The following EDEM1 variants were observed in gnomAD, a reference collection of about 807,000 sequenced individuals.
EDEM1 encodes the protein ER degradation enhancing alpha-mannosidase like protein 1.
In EDEM1, 67 loss-of-function variants were observed where a neutral mutation model predicts 74.4. The ratio of observed to expected loss-of-function variants is 0.90; its 90% CI spans 0.74 to 1.10. The LOEUF (loss-of-function observed/expected upper bound fraction) is 1.10, where lower values mean the gene tolerates loss of function less well. Ranked by LOEUF, EDEM1 falls within the 50% of genes least tolerant of loss-of-function variation. The pLI, the probability that EDEM1 is intolerant of heterozygous loss-of-function variation, is 0.00. For synonymous variants in EDEM1, 382 were observed against 335.9 expected (o/e 1.14, Z -1.50); for missense variants, 926 against 851.6 (o/e 1.09, Z -1.09).
rs757985911 is a variant in EDEM1 at position 5,187,847 on chromosome 3, G to C, written c.42G>C (p.Arg14=). ...RALVLGLVLL[R]LGLHGVLWLV... is the part of the protein sequence containing the mutation. ...TCGTCCTGGGGCTGGTGCTCCTCCG[G>C]CTTGGCCTCCATGGAGTATTGTGGC... The change falls in exon 1 of 12, where the codon CGG becomes CGC. Residue 14 remains arginine (R), a synonymous_variant. Transcript: ENST00000256497. 6.3e-7 allele frequency: 1 copy of C among 1,591,988 alleles called. No homozygotes were observed. The highest frequency in any genetic ancestry group is 1.1e-5 in the South Asian group (1 of 88,678).
chr3:5,208,290 TC>T (rs745430123), intron 8 of EDEM1, 27 bp downstream of exon 8: 192 of 1,594,026 alleles, frequency 1.2e-4, no homozygotes, highest in Non-Finnish European at 1.6e-4. Flanking sequence ...TTTTTTTTTT[TC>T]CTTTCACTGC....
chr3:5,212,419 T>C (rs1445472615), intron 10 of EDEM1, among the ~76,000 whole-genome samples: 2 of 152,124 alleles, frequency 1.3e-5, no homozygotes, highest in Admixed American at 1.3e-4. Context: ...TAGCTACATA[T>C]TTCCATCCAG....
intron 5 of EDEM1, 126 bp downstream of exon 5, chr3:5,203,275 CTCTA>C: frequency 1.0e-6 from 1 of 992,980 alleles, no homozygotes; most frequent in Non-Finnish European, 1.4e-6. Flanking sequence ...ATTGTGTCAG[CTCTA>C]TCTAATTTCT....
At chr3:5,195,859 T>C (rs2054959992) in intron 2 of EDEM1, among the ~76,000 whole-genome samples, 2 of 152,366 alleles carry the variant, frequency 1.3e-5, no homozygotes, top group South Asian at 4.1e-4. Flanking sequence ...CTAGAGGCCT[T>C]TGAGCAGATA....
At position 5,187,820 on chromosome 3, in the gene EDEM1, G is replaced by A; in HGVS notation, c.15G>A (p.Ala5=). 1.3e-6 allele frequency: 2 copies of A among 1,582,046 alleles called. No individual in the cohort carries two copies. Among genetic ancestry groups the A allele is most frequent in the African/African-American group, 2.8e-5 (2 of 72,104 alleles). Residue 5 remains alanine, a synonymous_variant, in exon 1 of 12, where the codon GCG becomes GCA. Transcript: ENST00000256497. ...CCCGCGCGACCATGCAATGGCGAGC[G>A]CTCGTCCTGGGGCTGGTGCTCCTCC... MQWR[A]LVLGLVLLRL...
chr3:5,206,460 C>T (rs2055098417), intron 6 of EDEM1, among the ~76,000 whole-genome samples: 2 of 152,086 alleles, frequency 1.3e-5, no homozygotes, highest in Non-Finnish European at 2.9e-5. Flanking sequence ...CCCGCCTCGG[C>T]CTCCCAAAGT....
chr3:5,213,505 A>G lies in EDEM1; in HGVS notation c.1867A>G (p.Ile623Val), dbSNP rs911797329. 11 of 1,610,704 alleles carry G rather than the reference A, an allele frequency of 6.8e-6. No individual in the cohort carries two copies. The highest frequency in any genetic ancestry group is 1.1e-5 in the South Asian group (1 of 90,706). ...HRPKPHELKV[I>V]NSSSNCNRVP... ...GCCGAAACCTCATGAGTTAAAAGTCATCAACTCCAGCTCCAACGTGAGTTG... is the reference window on the plus strand; with the variant it reads ...GCCGAAACCTCATGAGTTAAAAGTCGTCAACTCCAGCTCCAACGTGAGTTG... Residue 623 changes from isoleucine (I) to valine (V), a missense_variant, in exon 11 of 12, where the codon ATC becomes GTC. Coordinates refer to ENST00000256497, the MANE Select transcript of EDEM1 (RefSeq NM_014674.3).
Position 5,213,523 on chromosome 3 carries a change from G to A in EDEM1, c.1884+1G>A, listed in dbSNP as rs373781420. 17 of 1,602,246 alleles carry A rather than the reference G, an allele frequency of 1.1e-5. No homozygotes were observed. In the Middle Eastern group the frequency reaches 6.7e-4, roughly 63 times the overall value. On this transcript the variant is annotated splice_donor_variant, in intron 11 of 11. Transcript: ENST00000256497. LOFTEE classifies it high-confidence loss of function. ...AAAAGTCATCAACTCCAGCTCCAACGTGAGTTGCTTTTTCCAGGGGTGATT... is the reference window on the plus strand; with the variant it reads ...AAAAGTCATCAACTCCAGCTCCAACATGAGTTGCTTTTTCCAGGGGTGATT...
At position 5,199,005 on chromosome 3, in the gene EDEM1, A is replaced by G. The variant is rs533827184; in HGVS notation, c.583-587A>G. Among the ~76,000 whole-genome samples the G allele has an allele frequency of 2.0e-5, 3 of 152,328 alleles. No individual in the cohort carries two copies. The South Asian group carries it at 6.2e-4, about 32-fold the overall frequency. On this transcript the variant is annotated intron_variant, in intron 2 of 11. Coordinates refer to ENST00000256497, the MANE Select transcript of EDEM1 (RefSeq NM_014674.3). ...TTCTAGATCACTTTTTAAAAAGGACATAGAGCTGATTATTCATATGTTTTG... is the reference window on the plus strand; with the variant it reads ...TTCTAGATCACTTTTTAAAAAGGACGTAGAGCTGATTATTCATATGTTTTG...
intron 1 of EDEM1, among the ~76,000 whole-genome samples, chr3:5,189,249 C>T (rs1347651289): frequency 6.6e-6 from 1 of 152,176 alleles, no homozygotes; most frequent in African/African-American, 2.4e-5. Context: ...TTGGTTTGCT[C>T]AGTGTCTTGG....
At chr3:5,197,087 A>G (rs1009204542) in intron 2 of EDEM1, among the ~76,000 whole-genome samples, 1 of 77,012 alleles carries the variant, frequency 1.3e-5, no homozygotes, top group Non-Finnish European at 2.8e-5. Flanking sequence ...TTTTTTCCCC[A>G]TTTTGTTTTT....
Position 5,195,345 on chromosome 3 carries a change from C to G in EDEM1, c.582+64C>G, listed in dbSNP as rs2054952746. The G allele has an allele frequency of 4.9e-6, 5 of 1,026,890 alleles. No homozygotes were observed. In the Admixed American group the frequency reaches 1.5e-4, roughly 30 times the overall value. The allele number at this position is 1,026,890 out of a possible 1,614,324, so 63.6% of individuals were successfully genotyped here. On this transcript the variant is annotated intron_variant, in intron 2 of 11. Transcript: ENST00000256497. ...GTTTTAGAGTTGATTATCCCTAGTT[C>G]CCTCCAGCAGTGGGAATTCCAGGGA...
At chr3:5,211,448 A>G (rs1305750202) in intron 10 of EDEM1, 2 of 467,406 alleles carry the variant, frequency 4.3e-6, no homozygotes, top group South Asian at 2.1e-5. Flanking sequence ...TATGATTACA[A>G]ACTGTGGGAA....
At position 5,199,575 on chromosome 3, in the gene EDEM1, T is replaced by G. The variant is rs771878913; in HGVS notation, c.583-17T>G. On this transcript the variant is annotated splice_polypyrimidine_tract_variant and intron_variant, in intron 2 of 11. Transcript: ENST00000256497. ...CATTTCAAGTTGCTGTAATGACCTG[T>G]GTTCCTCTTTTTAAAGATAATGGGA... The G allele has an allele frequency of 6.3e-7, 1 of 1,588,126 alleles. No individual in the cohort carries two copies. Among genetic ancestry groups the G allele is most frequent in the South Asian group, 1.1e-5 (1 of 89,982 alleles).
chr3:5,205,810 T>G (rs1056829076), intron 6 of EDEM1, among the ~76,000 whole-genome samples: 1 of 152,002 alleles, frequency 6.6e-6, no homozygotes, highest in Non-Finnish European at 1.5e-5. Flanking sequence ...ATACCAATAC[T>G]TCTGCCAGAC....
intron 10 of EDEM1, among the ~76,000 whole-genome samples, chr3:5,213,112 C>A (rs1447358703): frequency 1.3e-5 from 2 of 152,142 alleles, no homozygotes; most frequent in Non-Finnish European, 2.9e-5. Context: ...CAGGTCTGGG[C>A]ATCTGAGTTT....
In EDEM1 at chr3:5,218,218, GGTGA is replaced by G. The variant is rs1303839239; in HGVS notation, c.*2307_*2310del. ...ATTAATACCAGTGGGTGAGACTGAG[GGTGA>G]GTGAGTTAGTACATATTAATCCTGG... On this transcript the variant is annotated 3_prime_UTR_variant, in exon 12 of 12. Coordinates refer to ENST00000256497, the MANE Select transcript of EDEM1 (RefSeq NM_014674.3). 1 of 152,154 alleles carries G rather than the reference GGTGA, an allele frequency of 6.6e-6. No homozygotes were observed. The highest frequency in any genetic ancestry group is 2.4e-5 in the African/African-American group (1 of 41,424). The allele number at this position is 152,154 out of a possible 1,614,324, so 9.4% of individuals were successfully genotyped here.
In EDEM1 at chr3:5,203,025, C is replaced by G. The variant is rs148788181; in HGVS notation, c.918C>G (p.Ala306=). 1.7e-5 allele frequency: 27 copies of G among 1,613,750 alleles called. No homozygotes were observed. The highest frequency in any genetic ancestry group is 4.0e-5 in the African/African-American group (3 of 74,882). The change falls in exon 5 of 12, where the codon GCC becomes GCG. Residue 306 remains alanine (A), a synonymous_variant. Coordinates refer to ENST00000256497, the MANE Select transcript of EDEM1 (RefSeq NM_014674.3). ...DTNNETCTAG[A]GSLLVEFGIL... ...ATAATGAGACATGCACAGCGGGAGC[C>G]GGTTCCCTCCTGGTGGAATTTGGGA...
chr3:5,207,175 G>A lies in EDEM1; in HGVS notation c.1240G>A (p.Glu414Lys), dbSNP rs773680333. 3.8e-5 allele frequency: 61 copies of A among 1,614,032 alleles called. No individual in the cohort carries two copies. The highest frequency in any genetic ancestry group is 5.0e-5 in the Non-Finnish European group (59 of 1,180,026). ...RRGREACNEGEGDPPLYVNVN... is the reference protein window; with the variant it reads ...RRGREACNEGKGDPPLYVNVN... ...CAGGCGGGAAGCCTGCAATGAAGGA[G>A]AAGGAGACCCTCCACTCTATGTCAA... The change falls in exon 7 of 12, where the codon GAA becomes AAA. Residue 414 changes from glutamate (E) to lysine (K), a missense_variant. Transcript: ENST00000256497.
Sources: allele counts gnomAD v4.1 joint callset (sites outside exome capture counted in the v4.1 genomes callset), GRCh38; gene constraint gnomAD v4.1.1; transcripts MANE v1.5; gene names NCBI Gene and HGNC (gene_info 2026-07-23, HGNC 2026-07-21).